ZBTB20: variants seen among roughly 807,000 people sequenced by gnomAD.
The protein encoded by ZBTB20 is zinc finger and BTB domain-containing protein 20.
A neutral mutation model predicts 56.9 loss-of-function variants in ZBTB20; 9 were observed. That is an observed-to-expected ratio of 0.16 (90% CI 0.10 to 0.28). ZBTB20 has a LOEUF of 0.28. Ranked by LOEUF, ZBTB20 falls within the 10% of genes least tolerant of loss-of-function variation. The pLI is 1.00. For missense variants in ZBTB20, 655 were observed against 1,003.0 expected, an observed-to-expected ratio of 0.65 and a Z score of 4.69; for synonymous variants, 417 against 420.7, an observed-to-expected ratio of 0.99 and a Z score of 0.11.
chr3:115,128,025 C>A (rs940781925), intron 1 of ZBTB20, among the ~76,000 whole-genome samples: 2 of 152,046 alleles, frequency 1.3e-5, no homozygotes, highest in Non-Finnish European at 2.9e-5. Flanking sequence ...ACAGTGATCA[C>A]TGGTGGTTAG....
At chr3:114,778,884 T>A (rs2069842566) in intron 5 of ZBTB20, among the ~76,000 whole-genome samples, 1 of 152,118 alleles carries the variant, frequency 6.6e-6, no homozygotes, top group South Asian at 2.1e-4. Context: ...TAAATAAAAT[T>A]AAAAAAAGTA....
intron 10 of ZBTB20, among the ~76,000 whole-genome samples, chr3:114,363,282 G>C (rs1032052540): frequency 1.3e-5 from 2 of 152,156 alleles, no homozygotes; most frequent in African/African-American, 4.8e-5. Flanking sequence ...ATTGGCATGG[G>C]ATTTTGACTA....
chr3:114,922,227 C>A (rs781318899), intron 3 of ZBTB20, among the ~76,000 whole-genome samples: 20 of 152,220 alleles, frequency 1.3e-4, no homozygotes, highest in Non-Finnish European at 2.1e-4. Flanking sequence ...AAACATCATA[C>A]TCAGTGGTGA....
At chr3:114,815,648 A>T (rs2072862534) in intron 4 of ZBTB20, among the ~76,000 whole-genome samples, 1 of 152,186 alleles carries the variant, frequency 6.6e-6, no homozygotes, top group Admixed American at 6.5e-5. Flanking sequence ...ATTATTCATG[A>T]TACTACTCAT....
At chr3:114,997,510 G>A (rs1000384762) in intron 2 of ZBTB20, among the ~76,000 whole-genome samples, 5 of 151,582 alleles carry the variant, frequency 3.3e-5, no homozygotes, top group Non-Finnish European at 7.4e-5. Context: ...AAGAAATAAA[G>A]TAATTTTTCA....
At chr3:114,932,824 G>A (rs543513763) in intron 3 of ZBTB20, among the ~76,000 whole-genome samples, 1 of 152,298 alleles carries the variant, frequency 6.6e-6, no homozygotes, top group East Asian at 1.9e-4. Context: ...TTCCCATCAA[G>A]AGGCAGAGTT....
intron 2 of ZBTB20, among the ~76,000 whole-genome samples, chr3:115,033,461 G>C (rs1468506706): frequency 6.6e-6 from 1 of 151,358 alleles, no homozygotes; most frequent in Non-Finnish European, 1.5e-5. Context: ...ATCAACTAAA[G>C]TTTCCTCAAA....
chr3:115,089,524 T>TA (rs917743607), intron 1 of ZBTB20, among the ~76,000 whole-genome samples: 19 of 151,868 alleles, frequency 1.3e-4, no homozygotes, highest in African/African-American at 4.3e-4. Flanking sequence ...ACAATTATGA[T>TA]AGCATGTCAG....
intron 7 of ZBTB20, among the ~76,000 whole-genome samples, chr3:114,400,305 T>C (rs2086705031): frequency 6.6e-6 from 1 of 152,180 alleles, no homozygotes; most frequent in Admixed American, 6.5e-5. Flanking sequence ...TCTTGTAAAA[T>C]GGTATTGACA....
intron 4 of ZBTB20, among the ~76,000 whole-genome samples, chr3:114,847,583 T>C (rs2074775781): frequency 6.6e-6 from 1 of 152,062 alleles, no homozygotes; most frequent in African/African-American, 2.4e-5. Flanking sequence ...GTGGGACCAG[T>C]GAAATGGAGA....
At chr3:114,716,804 C>CT (rs1289575996) in intron 5 of ZBTB20, among the ~76,000 whole-genome samples, 2 of 152,022 alleles carry the variant, frequency 1.3e-5, no homozygotes, top group Non-Finnish European at 2.9e-5. Context: ...CCCTTATGCA[C>CT]TTGGTTCTGT....
intron 6 of ZBTB20, among the ~76,000 whole-genome samples, chr3:114,522,441 T>C (rs2046750733): frequency 6.6e-6 from 1 of 152,198 alleles, no homozygotes; most frequent in Non-Finnish European, 1.5e-5. Flanking sequence ...AAGGCTTTTC[T>C]TCCAAGTGAG....
intron 5 of ZBTB20, among the ~76,000 whole-genome samples, chr3:114,739,279 G>T (rs1036222799): frequency 6.6e-6 from 1 of 152,102 alleles, no homozygotes. Context: ...CAGTCTTAAG[G>T]CAAAACCTTT....
chr3:114,470,381 G>T (rs1197312522), intron 7 of ZBTB20, among the ~76,000 whole-genome samples: 1 of 152,026 alleles, frequency 6.6e-6, no homozygotes, highest in East Asian at 1.9e-4. Flanking sequence ...TGTGGAAAAT[G>T]TTTATTTCCA....
In ZBTB20 at chr3:114,338,896, G is replaced by A. The variant is rs1002749476; in HGVS notation, c.*109C>T. On this transcript the variant is annotated 3_prime_UTR_variant, in exon 12 of 12. Coordinates refer to ENST00000675478, the MANE Select transcript of ZBTB20 (RefSeq NM_001348800.3). ...AACGAAACAAAAACAAAAACAGAAA[G>A]TAAAAATGAAACCAAAACATTTCTT... The A allele has an allele frequency of 2.3e-6, 3 of 1,325,018 alleles. No homozygotes were observed. Among genetic ancestry groups the A allele is most frequent in the Non-Finnish European group, 2.0e-6 (2 of 990,230 alleles). The allele number at this position is 1,325,018 out of a possible 1,614,324, so 82.1% of individuals were successfully genotyped here.
intron 6 of ZBTB20, among the ~76,000 whole-genome samples, chr3:114,573,355 G>A (rs1053478676): frequency 6.6e-6 from 1 of 151,840 alleles, no homozygotes; most frequent in African/African-American, 2.4e-5. Context: ...AGCTACTCGG[G>A]AGGCTGTGGC....
chr3:114,487,633 G>A (rs1334811270), intron 7 of ZBTB20, among the ~76,000 whole-genome samples: 10 of 152,180 alleles, frequency 6.6e-5, no homozygotes, highest in African/African-American at 1.7e-4. Context: ...GGGAAGACTC[G>A]AGGAACTCAC....
intron 6 of ZBTB20, among the ~76,000 whole-genome samples, chr3:114,614,530 G>A (rs1472746751): frequency 6.6e-6 from 1 of 152,114 alleles, no homozygotes; most frequent in Non-Finnish European, 1.5e-5. Flanking sequence ...TATGAAGAAT[G>A]AAAAATCCCA....
At chr3:115,033,355 G>C (rs1358229341) in intron 2 of ZBTB20, among the ~76,000 whole-genome samples, 1 of 151,508 alleles carries the variant, frequency 6.6e-6, no homozygotes, top group Non-Finnish European at 1.5e-5. Flanking sequence ...CTTGTAAGGA[G>C]ATTGAATCAA....
Sources: allele counts gnomAD v4.1 joint callset (sites outside exome capture counted in the v4.1 genomes callset), GRCh38; gene constraint gnomAD v4.1.1; transcripts MANE v1.5; gene names NCBI Gene and HGNC (gene_info 2026-07-23, HGNC 2026-07-21).